POLR2F: variants seen among roughly 807,000 people sequenced by gnomAD.
The protein encoded by POLR2F is DNA-directed RNA polymerases I, II, and III subunit RPABC2.
In POLR2F, 12 loss-of-function variants were observed where a neutral mutation model predicts 22.7. The ratio of observed to expected loss-of-function variants is 0.53; its 90% confidence interval spans 0.34 to 0.86. The LOEUF is 0.86. Among genes scored for constraint, POLR2F ranks in the 40% least tolerant of loss-of-function variants. The pLI, the probability that POLR2F is intolerant of heterozygous loss-of-function variation, is 0.02. For missense variants in POLR2F, 126 were observed against 171.5 expected, an observed-to-expected ratio of 0.73 and a Z score of 1.48; for synonymous variants, 57 against 66.0, an observed-to-expected ratio of 0.86 and a Z score of 0.66.
At chr22:38,000,108 G>A (rs544510490) in intron 1 of POLR2F, among the ~76,000 whole-genome samples, 12 of 152,212 alleles carry the variant, frequency 7.9e-5, no homozygotes, top group Non-Finnish European at 1.8e-4. Flanking sequence ...TCATCCTGCT[G>A]GTCCTGCCGG....
At chr22:37,983,907 C>T, upstream of POLR2F, 1 of 839,248 alleles carries the variant, frequency 1.2e-6, no homozygotes, top group Non-Finnish European at 1.6e-6. This position sits in a 1 kb window ranked among gnomAD's most constrained non-coding sequence, Gnocchi z 9.5. Context: ...GCCGCGCGCG[C>T]AGCCCCGAGG....
In POLR2F at chr22:37,968,054, T is replaced by C. The variant is rs1403536516; in HGVS notation, c.*339T>C. ...AGACAAGTCTTTGTGCCCAGGGAGCTGGTTGCCACGGAAACCCCCAATTTC... is the reference window on the plus strand; with the variant it reads ...AGACAAGTCTTTGTGCCCAGGGAGCCGGTTGCCACGGAAACCCCCAATTTC... On this transcript the variant is annotated 3_prime_UTR_variant, in exon 5 of 5. Coordinates refer to ENST00000442738, the MANE Select transcript of POLR2F (RefSeq NM_021974.5). The C allele has an allele frequency of 2.0e-6, 2 of 1,016,068 alleles. No homozygotes were observed. The highest frequency in any genetic ancestry group is 2.4e-6 in the Non-Finnish European group (2 of 849,248). 62.9% of individuals were successfully genotyped at this position (1,016,068 alleles called of 1,614,324 possible).
chr22:38,025,497 C>T, intron 1 of POLR2F: 1 of 1,420,036 alleles, frequency 7.0e-7, no homozygotes, highest in South Asian at 1.7e-5. Context: ...CATTCACACT[C>T]ACAGTCCCAA....
rs187283892 is a variant in POLR2F, at chr22:37,955,708, A to G, written c.21-1065A>G. On this transcript the variant is annotated intron_variant, in intron 1 of 4. Coordinates refer to ENST00000442738, the MANE Select transcript of POLR2F (RefSeq NM_021974.5). ...TATTATTTTTTATTTTTTGAGAAGG[A>G]GTCTCGCTGTGTCACCCAGGCTGGA... 1.4e-4 allele frequency among the ~76,000 whole-genome samples: 21 copies of G among 152,090 alleles called. No homozygotes were observed. In the East Asian group the frequency reaches 4.1e-3, roughly 29 times the overall value.
rs190437681 is a variant in POLR2F, at chr22:38,018,831, A to T, written c.121-7038A>T. On this transcript the variant is annotated intron_variant, in intron 1 of 2. Coordinates refer to the POLR2F transcript ENST00000333418. The stretch of plus-strand genomic sequence containing the variant: ...GTCCTCTCTCCAGGCAGCCCATGGG[A>T]GGAGGCCAGTGTGTGGTGCGGGAGA... Among the ~76,000 whole-genome samples, 8 of 152,070 alleles carry T rather than the reference A, an allele frequency of 5.3e-5. No individual in the cohort carries two copies. In the East Asian group the frequency reaches 1.5e-3, roughly 29 times the overall value.
chr22:37,958,188 T>A (rs924474509), intron 2 of POLR2F, among the ~76,000 whole-genome samples: 139 of 133,714 alleles, frequency 1.0e-3, no homozygotes, highest in African/African-American at 3.9e-3. Flanking sequence ...CAGAGTCAAC[T>A]TTTTTTTTTT....
downstream of POLR2F, chr22:37,970,941 A>G (rs1008533358): frequency 3.7e-6 from 1 of 272,662 alleles, no homozygotes; most frequent in African/African-American, 2.2e-5. Context: ...TTCGGTTACC[A>G]TCCAGCTTCA....
intron 1 of POLR2F, chr22:37,988,472 G>A (rs1381288744): frequency 6.6e-6 from 1 of 151,344 alleles, no homozygotes; most frequent in African/African-American, 2.4e-5. Context: ...CCAACATGGT[G>A]AAACCCCATG....
chr22:37,954,000 C>T, intron 1 of POLR2F, 193 bp downstream of exon 1: 1 of 642,700 alleles, frequency 1.6e-6, no homozygotes, highest in Admixed American at 3.0e-5. Context: ...CACAGGAGGG[C>T]CCAGGCTCGA....
upstream of POLR2F, chr22:37,983,801 G>C: frequency 7.0e-7 from 1 of 1,421,024 alleles, no homozygotes; most frequent in Non-Finnish European, 9.2e-7. The surrounding 1 kb of genome is among the most constrained non-coding windows in gnomAD (Gnocchi z 9.5). Flanking sequence ...CCCGGCCGCC[G>C]CCGCCGCCGC....
intron 3 of POLR2F, among the ~76,000 whole-genome samples, chr22:37,964,972 T>G (rs945120960): frequency 2.6e-5 from 4 of 152,184 alleles, no homozygotes; most frequent in African/African-American, 9.7e-5. Flanking sequence ...GGTGGCTCCT[T>G]GCCTGCTGTA....
At position 38,031,738 on chromosome 22, in the gene POLR2F, G is replaced by A. The variant is rs1160639986; in HGVS notation, c.453-9330G>A. On this transcript the variant is annotated intron_variant, in intron 5 of 5. Transcript: ENST00000407936. This position sits in a 1 kb window ranked among gnomAD's most constrained non-coding sequence, Gnocchi z 4.1. Reference sequence around the variant, plus strand: ...TGCTGTGAGTCCATGTCTCAAACCCGCGTCACCATGCTGCCCCCAGACCAA... The same window carrying A: ...TGCTGTGAGTCCATGTCTCAAACCCACGTCACCATGCTGCCCCCAGACCAA... Among the ~76,000 whole-genome samples, 2 of 152,054 alleles carry A rather than the reference G, an allele frequency of 1.3e-5. No individual in the cohort carries two copies. The highest frequency in any genetic ancestry group is 2.9e-5 in the Non-Finnish European group (2 of 68,010).
At chr22:38,007,445 T>C (rs1348828074) in intron 1 of POLR2F, among the ~76,000 whole-genome samples, 2 of 151,326 alleles carry the variant, frequency 1.3e-5, no homozygotes, top group Non-Finnish European at 3.0e-5. Flanking sequence ...GTTCCAGACA[T>C]GTGAGGGATG....
chr22:38,000,291 G>A (rs2084757435), intron 1 of POLR2F, among the ~76,000 whole-genome samples: 1 of 152,232 alleles, frequency 6.6e-6, no homozygotes, highest in Non-Finnish European at 1.5e-5. Context: ...CTGACAGGGA[G>A]CTGAGGTCTA....
chr22:37,987,420 C>G lies in POLR2F; in HGVS notation c.120+1108C>G, dbSNP rs538344650. ...TCCGGTCAGCAGTGACCCTTCACCC[C>G]CCAGCTCCCAAGTCCTCTTCCTGAG... On this transcript the variant is annotated intron_variant, in intron 1 of 2. Coordinates refer to the POLR2F transcript ENST00000333418. 4 of 394,378 alleles carry G rather than the reference C, an allele frequency of 1.0e-5. No individual in the cohort carries two copies. In the East Asian group the frequency reaches 2.9e-4, roughly 29 times the overall value. 24.4% of individuals were successfully genotyped at this position (394,378 alleles called of 1,614,324 possible).
chr22:38,000,306 A>G (rs1048392153), intron 1 of POLR2F, among the ~76,000 whole-genome samples: 13 of 152,328 alleles, frequency 8.5e-5, no homozygotes, highest in African/African-American at 2.6e-4. Flanking sequence ...GGTCTAGAAA[A>G]GAGAGGGCCT....
At chr22:37,970,035 T>G (rs914610353), downstream of POLR2F, among the ~76,000 whole-genome samples, 1 of 152,118 alleles carries the variant, frequency 6.6e-6, no homozygotes, top group African/African-American at 2.4e-5. Flanking sequence ...GGCTCACACC[T>G]GTAATCCCAG....
chr22:37,983,536 G>A (rs73415876), upstream of POLR2F: 10,611 of 1,610,100 alleles, frequency 6.6e-3, 570 homozygotes, highest in African/African-American at 0.12. The surrounding 1 kb of genome is among the most constrained non-coding windows in gnomAD (Gnocchi z 9.5). Context: ...GCGTCCAGTC[G>A]TAGCCGCTGA....
chr22:37,963,272 T>C (rs963106954), intron 3 of POLR2F, among the ~76,000 whole-genome samples: 2 of 151,816 alleles, frequency 1.3e-5, no homozygotes, highest in African/African-American at 4.8e-5. Context: ...ATTACAGGCA[T>C]GAGCCACCAC....
Sources: gnomAD v4.1 joint callset for allele counts (sites outside exome capture counted in the v4.1 genomes callset) on GRCh38, gnomAD v4.1.1 for gene constraint, Gnocchi (gnomAD v3.1) non-coding constraint, MANE v1.5 for transcripts, NCBI Gene and HGNC (gene_info 2026-07-23, HGNC 2026-07-21) for gene names.